RTTN: variants seen among roughly 807,000 people sequenced by gnomAD.
The protein encoded by RTTN is rotatin.
A neutral mutation model predicts 269.2 loss-of-function variants in RTTN; 182 were observed. The observed-to-expected ratio is 0.68, with a 90% confidence interval of 0.60 to 0.76. RTTN has a LOEUF of 0.76. Ranked by LOEUF, RTTN falls within the 30% of genes least tolerant of loss-of-function variation. RTTN has a pLI of 0.00. For missense variants in RTTN, 2,545 were observed against 2,608.6 expected, an observed-to-expected ratio of 0.98 and a Z score of 0.53; for synonymous variants, 1,006 against 963.5, an observed-to-expected ratio of 1.04 and a Z score of -0.82.
At chr18:70,095,998 GTT>G (rs111933421) in intron 28 of RTTN, among the ~76,000 whole-genome samples, 1 of 138,040 alleles carries the variant, frequency 7.2e-6, no homozygotes, top group African/African-American at 2.6e-5. Flanking sequence ...ATTCCCTTTT[GTT>G]TTTTTTTTTT....
chr18:70,034,133 A>G (rs758090392), intron 40 of RTTN, among the ~76,000 whole-genome samples: 1 of 152,202 alleles, frequency 6.6e-6, no homozygotes, highest in Admixed American at 6.5e-5. Flanking sequence ...ATCTATAAAG[A>G]AGAGCTGATA....
intron 30 of RTTN, among the ~76,000 whole-genome samples, chr18:70,090,021 T>A (rs1775044629): frequency 6.6e-6 from 1 of 152,162 alleles, no homozygotes; most frequent in Admixed American, 6.5e-5. Context: ...GAATACCCAT[T>A]TAAGAAAAAG....
At chr18:70,029,325 T>C (rs773533494) in intron 42 of RTTN, among the ~76,000 whole-genome samples, 2 of 152,244 alleles carry the variant, frequency 1.3e-5, no homozygotes, top group Non-Finnish European at 2.9e-5. Context: ...TGTATATTTA[T>C]ATATTTATAC....
intron 10 of RTTN, among the ~76,000 whole-genome samples, chr18:70,185,807 T>G (rs145613918): frequency 0.012 from 1,881 of 151,922 alleles, 22 homozygotes; most frequent in South Asian, 0.038. Flanking sequence ...CTACCAGAAC[T>G]AGTAAGTTCA....
chr18:70,058,879 T>C (rs2057896660), intron 36 of RTTN, among the ~76,000 whole-genome samples: 1 of 152,220 alleles, frequency 6.6e-6, no homozygotes. Flanking sequence ...TAATTACAAT[T>C]GAATGAGGTG....
chr18:70,148,920 A>G lies in RTTN; in HGVS notation c.2290T>C (p.Leu764=). The stretch of plus-strand genomic sequence containing the variant: ...ACTCACGATGGCTTTTTCACTAGCA[A>G]AAGTCGCAGCATGGACTTTAATCGG... The part of the protein sequence containing the change: ...TTRLKSMLRL[L]LVKKPSVRSL... The change falls in exon 17 of 49, where the codon TTG becomes CTG. Residue 764 remains leucine, a synonymous_variant. Coordinates refer to ENST00000640769, the MANE Select transcript of RTTN (RefSeq NM_173630.4). The G allele has an allele frequency of 1.9e-6, 3 of 1,613,570 alleles. No homozygotes were observed. Among genetic ancestry groups the G allele is most frequent in the Non-Finnish European group, 2.5e-6 (3 of 1,179,594 alleles).
At chr18:70,104,760 C>T (rs182721139) in intron 28 of RTTN, among the ~76,000 whole-genome samples, 4 of 152,292 alleles carry the variant, frequency 2.6e-5, no homozygotes, top group Admixed American at 2.0e-4. Flanking sequence ...GCTGGAGGTC[C>T]ACTCCAGACC....
chr18:70,120,692 G>C (rs1207853776), intron 26 of RTTN, among the ~76,000 whole-genome samples: 2 of 152,086 alleles, frequency 1.3e-5, no homozygotes, highest in East Asian at 3.9e-4. Flanking sequence ...CTGGCTTCTT[G>C]GGTTCTTCAC....
chr18:70,160,580 T>C (rs2060799259), intron 14 of RTTN, among the ~76,000 whole-genome samples: 1 of 141,842 alleles, frequency 7.1e-6, no homozygotes, highest in Admixed American at 7.5e-5. Context: ...GCCAGATCAA[T>C]CAGGCAAGAA....
chr18:70,205,288 C>T lies in RTTN; in HGVS notation c.59G>A (p.Arg20His). The T allele has an allele frequency of 1.9e-6, 3 of 1,614,200 alleles. No individual in the cohort carries two copies. Among genetic ancestry groups the T allele is most frequent in the Non-Finnish European group, 2.5e-6 (3 of 1,180,036 alleles). ...LGHQLAEIRE[R>H]ALKSILCKIE... ...CTTGCAGAGAATACTCTTGAGAGCG[C>T]GCTCCCTGATCTCGGCCAGCTGATG... Residue 20 changes from arginine (R) to histidine (H), a missense_variant, in exon 2 of 49, where the codon CGC (arginine) becomes CAC (histidine). By Grantham distance (29) the Arg-to-His change is conservative. Coordinates refer to ENST00000640769, the MANE Select transcript of RTTN (RefSeq NM_173630.4).
intron 27 of RTTN, 111 bp downstream of exon 27, chr18:70,114,334 T>G: frequency 9.9e-7 from 1 of 1,011,052 alleles, no homozygotes; most frequent in South Asian, 1.6e-5. Flanking sequence ...ATTTAAGTAT[T>G]TGAAAGAAGT....
chr18:70,104,969 T>A (rs2059283298), intron 28 of RTTN, among the ~76,000 whole-genome samples: 2 of 152,228 alleles, frequency 1.3e-5, no homozygotes, highest in Non-Finnish European at 2.9e-5. Context: ...GGAGGCTGTC[T>A]GTCTGTTCTC....
At chr18:70,099,072 ATAG>A in intron 28 of RTTN, among the ~76,000 whole-genome samples, 1 of 151,750 alleles carries the variant, frequency 6.6e-6, no homozygotes, top group South Asian at 2.1e-4. Context: ...TTCCATGAAT[ATAG>A]CAGCATGATT....
intron 43 of RTTN, among the ~76,000 whole-genome samples, chr18:70,025,519 A>T (rs1441454243): frequency 1.3e-5 from 2 of 152,200 alleles, no homozygotes; most frequent in African/African-American, 2.4e-5. Flanking sequence ...GCACATAAAT[A>T]CACACACCCT....
intron 39 of RTTN, among the ~76,000 whole-genome samples, chr18:70,049,521 T>C (rs941498387): frequency 1.3e-5 from 2 of 152,194 alleles, no homozygotes; most frequent in Admixed American, 1.3e-4. Flanking sequence ...CCATAATTCT[T>C]ACTATCGCTT....
At position 70,003,529 on chromosome 18, in the gene RTTN, T is replaced by C. The variant is rs1237936979; in HGVS notation, c.*622A>G. The C allele has an allele frequency of 1.3e-5, 2 of 152,226 alleles. No homozygotes were observed. Among genetic ancestry groups the C allele is most frequent in the Non-Finnish European group, 2.9e-5 (2 of 68,052 alleles). The allele number at this position is 152,226 out of a possible 1,614,324, so 9.4% of individuals were successfully genotyped here. ...AGGAAGAAGATAACATCACTAAAAC[T>C]TGCCTAAGAAAGCTACTTACAAATC... On this transcript the variant is annotated 3_prime_UTR_variant, in exon 49 of 49. Transcript: ENST00000640769.
At chr18:70,034,911 G>C (rs1420477100) in intron 40 of RTTN, among the ~76,000 whole-genome samples, 1 of 152,088 alleles carries the variant, frequency 6.6e-6, no homozygotes, top group Admixed American at 6.6e-5. Context: ...ATCAAGCCGA[G>C]AGGCAAATCA....
chr18:70,148,764 G>T, intron 17 of RTTN, 137 bp downstream of exon 17: 2 of 959,554 alleles, frequency 2.1e-6, no homozygotes, highest in Non-Finnish European at 3.1e-6. Context: ...TTAGTTTCAC[G>T]CATTGGTTTC....
At chr18:70,005,015 A>G (rs951472597) in intron 48 of RTTN, among the ~76,000 whole-genome samples, 183 bp downstream of exon 48, 1 of 152,244 alleles carries the variant, frequency 6.6e-6, no homozygotes, top group African/African-American at 2.4e-5. Flanking sequence ...AGAAGCAATC[A>G]CATCTTAAAC....
Sources: gnomAD v4.1 joint callset for allele counts (sites outside exome capture counted in the v4.1 genomes callset) on GRCh38, gnomAD v4.1.1 for gene constraint, MANE v1.5 for transcripts, NCBI Gene and HGNC (gene_info 2026-07-23, HGNC 2026-07-21) for gene names.